Variants in LMLN observed in about 807,000 individuals in gnomAD.
LMLN encodes leishmanolysin like peptidase.
Under a neutral mutation model 92.3 loss-of-function variants are expected in LMLN, and 70 were observed. The ratio of observed to expected loss-of-function variants is 0.76; its 90% CI spans 0.63 to 0.92. LMLN has a LOEUF of 0.92. Among genes scored for constraint, LMLN ranks in the 40% least tolerant of loss-of-function variants. LMLN has a pLI of 0.00. For missense variants in LMLN, 691 were observed against 814.6 expected, an observed-to-expected ratio of 0.85 and a Z score of 1.85; for synonymous variants, 308 against 296.2, an observed-to-expected ratio of 1.04 and a Z score of -0.41.
chr3:197,998,417 G>GT (rs1560144803), intron 10 of LMLN, among the ~76,000 whole-genome samples: 1 of 152,038 alleles, frequency 6.6e-6, no homozygotes, highest in Non-Finnish European at 1.5e-5. Flanking sequence ...TGGGAAGTGT[G>GT]GTTTTTTTTT....
chr3:198,013,740 A>T (rs1264725728), intron 11 of LMLN, among the ~76,000 whole-genome samples: 1 of 126,412 alleles, frequency 7.9e-6, no homozygotes, highest in Non-Finnish European at 1.6e-5. Context: ...GAGTCCCCTA[A>T]CTAGTCTGAC....
intron 5 of LMLN, among the ~76,000 whole-genome samples, chr3:197,977,944 G>A (rs763515520): frequency 3.3e-5 from 5 of 152,040 alleles, no homozygotes; most frequent in East Asian, 1.9e-4. Context: ...GTATACACAC[G>A]TTAAATCTGG....
chr3:198,014,252 C>A (rs1311372393), intron 11 of LMLN, among the ~76,000 whole-genome samples: 2 of 144,508 alleles, frequency 1.4e-5, no homozygotes, highest in African/African-American at 5.3e-5. Flanking sequence ...CCTTCAGAGC[C>A]CCCTAACTAG....
chr3:198,025,370 CCTTTTT>C lies in LMLN; in HGVS notation c.1656+595_1656+600del, dbSNP rs906350167. 1.3e-5 allele frequency among the ~76,000 whole-genome samples: 2 copies of C among 152,008 alleles called. No individual in the cohort carries two copies. Among genetic ancestry groups the C allele is most frequent in the Non-Finnish European group, 2.9e-5 (2 of 67,980 alleles). ...AAAAGGGCAAACTACAATTTTTTTT[CCTTTTT>C]CTTTTTCTTTTTTTTGAGACAAGGT... is the stretch of plus-strand genomic sequence containing the variant. On this transcript the variant is annotated intron_variant, in intron 14 of 15. Coordinates refer to ENST00000330198, the Ensembl canonical transcript of LMLN. This position sits in a 1 kb window ranked among gnomAD's most constrained non-coding sequence, Gnocchi z 4.3.
rs577965579 is a variant in LMLN at position 197,993,020 on chromosome 3, G to A, written c.1047+2344G>A. Among the ~76,000 whole-genome samples, 14 of 152,166 alleles carry A rather than the reference G, an allele frequency of 9.2e-5. No individual in the cohort carries two copies. In the South Asian group the frequency reaches 2.9e-3, roughly 32 times the overall value. On this transcript the variant is annotated intron_variant, in intron 9 of 15. Transcript: ENST00000330198. ...ATGTGATCCATCTCACTGACAGAAT[G>A]AAGGACAAAAACCATACGATCATCT...
rs995599427 is a variant in LMLN, at chr3:197,981,133, C to T, written c.728+629C>T. 8.7e-5 allele frequency among the ~76,000 whole-genome samples: 13 copies of T among 149,082 alleles called. No individual in the cohort carries two copies. In the South Asian group the frequency reaches 1.9e-3, roughly 22 times the overall value. ...AAAAAGAAAAAACAAAATGGCTGGG[C>T]GCGGTGGCTCACACCTGTAATCCCA... On this transcript the variant is annotated intron_variant, in intron 6 of 15. Coordinates refer to ENST00000330198, the Ensembl canonical transcript of LMLN.
intron 9 of LMLN, among the ~76,000 whole-genome samples, chr3:197,995,922 T>C (rs1434799101): frequency 6.6e-6 from 1 of 152,182 alleles, no homozygotes; most frequent in Non-Finnish European, 1.5e-5. Context: ...TAACATTTTT[T>C]AGCTATATGT....
In LMLN at chr3:198,038,636, T is replaced by TG; in HGVS notation, c.1939dup (p.Ala647GlyfsTer27). On this transcript the variant is annotated frameshift_variant, in exon 16 of 16. Transcript: ENST00000330198. LOFTEE classifies it high-confidence loss of function. ...CTGCTAGGCAATCTGTTTCCTCTGC[T>TG]GGCTGGATTTCTTCTGTGTATATGG... 3 of 1,613,936 alleles carry TG rather than the reference T, an allele frequency of 1.9e-6. No individual in the cohort carries two copies. The highest frequency in any genetic ancestry group is 2.5e-6 in the Non-Finnish European group (3 of 1,179,764).
Position 198,025,263 on chromosome 3 carries a change from T to C in LMLN, c.1656+475T>C, listed in dbSNP as rs36060514. On this transcript the variant is annotated intron_variant, in intron 14 of 15. Transcript: ENST00000330198. The surrounding 1 kb of genome is among the most constrained non-coding windows in gnomAD (Gnocchi z 4.3). ...CATCCTAGGCAACAAAGCGAGACCC[T>C]GTCTCCAAAAAATAAAGGAAAAAGA... 8.3e-5 allele frequency among the ~76,000 whole-genome samples: 11 copies of C among 132,470 alleles called. No individual in the cohort carries two copies. The highest frequency in any genetic ancestry group is 1.7e-4 in the Non-Finnish European group (11 of 63,154). 86.9% of individuals were successfully genotyped at this position (132,470 alleles called of 152,430 possible).
At position 198,024,782 on chromosome 3, in the gene LMLN, C is replaced by T. The variant is rs1722881788; in HGVS notation, c.1650C>T (p.Cys550=). The change falls in exon 14 of 16, where the codon TGC becomes TGT. Residue 550 remains cysteine (C), a synonymous_variant. Transcript: ENST00000330198. The stretch of plus-strand genomic sequence containing the variant: ...GTTACCCAGACTGGGGAAGCGGATG[C>T]TATCAGGTAAGCTTATGTTTGTTAT... 4 of 1,606,166 alleles carry T rather than the reference C, an allele frequency of 2.5e-6. No individual in the cohort carries two copies. The East Asian group carries it at 9.0e-5, about 36-fold the overall frequency.
At chr3:198,024,373 G>T (rs148606103) in intron 13 of LMLN, among the ~76,000 whole-genome samples, 10,046 of 151,812 alleles carry the variant, frequency 0.066, 401 homozygotes, top group African/African-American at 0.11. Context: ...CCGCCACCGC[G>T]CCCGGCTAAT....
intron 9 of LMLN, among the ~76,000 whole-genome samples, chr3:197,993,130 C>A (rs1721920980): frequency 6.6e-6 from 1 of 152,006 alleles, no homozygotes; most frequent in Non-Finnish European, 1.5e-5. Context: ...AAGGAAGATA[C>A]CTCAGCACAA....
rs1425356967 is a variant in LMLN at position 197,975,030 on chromosome 3, C to T, written c.318-12C>T. 6.8e-7 allele frequency: 1 copy of T among 1,465,070 alleles called. No homozygotes were observed. The highest frequency in any genetic ancestry group is 1.4e-5 in the African/African-American group (1 of 69,900). 90.8% of individuals were successfully genotyped at this position (1,465,070 alleles called of 1,614,324 possible). On this transcript the variant is annotated splice_polypyrimidine_tract_variant and intron_variant, in intron 2 of 15. Coordinates refer to ENST00000330198, the Ensembl canonical transcript of LMLN. ...AGAGATAATCCTTATGTTTTTATGT[C>T]ATTATTTTCAGGTTGCTCCCTGAGA...
chr3:198,018,686 A>G (rs1008627698), intron 11 of LMLN, among the ~76,000 whole-genome samples: 64 of 152,362 alleles, frequency 4.2e-4, no homozygotes, highest in Non-Finnish European at 1.9e-4. Context: ...GAAGAAGAGG[A>G]AAATTGTCAA....
At chr3:198,001,469 TACTC>T (rs1214864679) in intron 11 of LMLN, among the ~76,000 whole-genome samples, 1 of 152,214 alleles carries the variant, frequency 6.6e-6, no homozygotes, top group Non-Finnish European at 1.5e-5. Flanking sequence ...GGAGTCTACT[TACTC>T]CACATTTTAT....
chr3:197,973,168 T>C (rs1269950180), intron 1 of LMLN, among the ~76,000 whole-genome samples: 1 of 152,178 alleles, frequency 6.6e-6, no homozygotes, highest in Non-Finnish European at 1.5e-5. Flanking sequence ...TTGTAATGTG[T>C]TATCTGTGGG....
intron 14 of LMLN, 52 bp from the exon 16 acceptor site, chr3:198,035,781 T>C: frequency 2.2e-6 from 3 of 1,344,578 alleles, no homozygotes; most frequent in Non-Finnish European, 3.1e-6. Context: ...CTTAGAATCT[T>C]ACTGACCTGA....
chr3:198,036,681 C>G (rs1346296821), intron 15 of LMLN, among the ~76,000 whole-genome samples: 1 of 152,076 alleles, frequency 6.6e-6, no homozygotes, highest in Non-Finnish European at 1.5e-5. Flanking sequence ...CAGAAAACAC[C>G]CTTGAGAAGA....
At chr3:197,961,655 TCTC>T (rs1326621086) in intron 1 of LMLN, among the ~76,000 whole-genome samples, 1 of 152,206 alleles carries the variant, frequency 6.6e-6, no homozygotes, top group Non-Finnish European at 1.5e-5. Flanking sequence ...TCCTCACTAT[TCTC>T]CTTGTTTTAA....
Sources: allele counts gnomAD v4.1 joint callset (sites outside exome capture counted in the v4.1 genomes callset), GRCh38; gene constraint gnomAD v4.1.1; non-coding constraint Gnocchi (gnomAD v3.1); transcripts MANE v1.5; gene names NCBI Gene and HGNC (gene_info 2026-07-23, HGNC 2026-07-21).